The following EHBP1L1 variants were observed in gnomAD, a reference collection of about 807,000 sequenced individuals.
The protein encoded by EHBP1L1 is EH domain-binding protein 1-like protein 1.
In EHBP1L1, 122 loss-of-function variants were observed where a neutral mutation model predicts 151.1. The observed-to-expected ratio is 0.81, with a 90% CI of 0.70 to 0.94. The LOEUF is 0.94. Among genes scored for constraint, EHBP1L1 ranks in the 40% least tolerant of loss-of-function variants. The probability of loss-of-function intolerance (pLI) is 0.00; values close to 1 mark genes in which losing one functional copy is unlikely to be tolerated. For missense variants in EHBP1L1, 1,941 were observed against 1,959.8 expected (o/e 0.99, Z 0.18); for synonymous variants, 878 against 810.1 (o/e 1.08, Z -1.42).
chr11:65,592,274 G>C lies in EHBP1L1; in HGVS notation c.4544G>C (p.Ser1515Thr). The C allele has an allele frequency of 1.3e-6, 2 of 1,530,698 alleles. No homozygotes were observed. The highest frequency in any genetic ancestry group is 1.7e-6 in the Non-Finnish European group (2 of 1,144,896). 94.8% of individuals were successfully genotyped at this position (1,530,698 alleles called of 1,614,324 possible). A position where few individuals can be genotyped will look rare whatever the true frequency, so the allele number is the denominator to read the frequency against. Residue 1515 changes from serine (S) to threonine (T), a missense_variant, in exon 19 of 19, where the codon AGC becomes ACC. Physicochemically the swap from Ser to Thr is moderately conservative, Grantham distance 58 (BLOSUM62 1). Transcript: ENST00000309295. ...QRRRKLSRQL[S>T]RRERCVLS The stretch of plus-strand genomic sequence containing the variant: ...CGCCGCAAGCTGAGCCGGCAGTTGA[G>C]CCGGCGGGAGCGCTGCGTGCTGAGC...
At chr11:65,576,579 T>G (rs1857339125) in intron 1 of EHBP1L1, among the ~76,000 whole-genome samples, 173 bp downstream of exon 1, 1 of 152,188 alleles carries the variant, frequency 6.6e-6, no homozygotes, top group South Asian at 2.1e-4. Flanking sequence ...TTGCAATTTG[T>G]GGGACCCCTG....
In EHBP1L1 at chr11:65,583,489, T is replaced by C. The variant is rs756671697; in HGVS notation, c.2817T>C (p.Ala939=). The part of the protein sequence containing the change: ...TQVLRVQEAE[A]GVWGMSEGKS... ...TTCTGAGAGTCCAGGAGGCAGAGGC[T>C]GGGGTTTGGGGGATGTCAGAGGGCA... The change falls in exon 9 of 19, where the codon GCT becomes GCC. Residue 939 remains alanine (A), a synonymous_variant. Transcript: ENST00000309295. 35 of 1,613,286 alleles carry C rather than the reference T, an allele frequency of 2.2e-5. No individual in the cohort carries two copies. Among genetic ancestry groups the C allele is most frequent in the Non-Finnish European group, 2.9e-5 (34 of 1,179,714 alleles).
In EHBP1L1 at chr11:65,592,337, T is replaced by TC. The variant is rs1343408589; in HGVS notation, c.*39dup. On this transcript the variant is annotated 3_prime_UTR_variant, in exon 19 of 19. Transcript: ENST00000309295. ...CCCGGGTGGCCCATAACTTCTCGCG[T>TC]CCCCGGCGTCCGCCGCCGCCCCGGG... The TC allele has an allele frequency of 1.2e-5, 16 of 1,349,284 alleles. No homozygotes were observed. The highest frequency in any genetic ancestry group is 1.4e-5 in the Non-Finnish European group (15 of 1,055,206). The allele number at this position is 1,349,284 out of a possible 1,614,324, so 83.6% of individuals were successfully genotyped here.
chr11:65,587,167 G>A (rs1858013133), intron 12 of EHBP1L1, among the ~76,000 whole-genome samples: 1 of 152,234 alleles, frequency 6.6e-6, no homozygotes, highest in South Asian at 2.1e-4. Flanking sequence ...GAGGTCAGGA[G>A]ATCAAGACCA....
intron 16 of EHBP1L1, among the ~76,000 whole-genome samples, chr11:65,590,817 T>C (rs981326646): frequency 6.8e-6 from 1 of 146,726 alleles, no homozygotes; most frequent in African/African-American, 2.5e-5. Context: ...AGGCGGATCA[T>C]CTGAGGTCAG....
rs1857672555 is a variant in EHBP1L1 at position 65,582,501 on chromosome 11, AAG to A, written c.1831_1832del (p.Glu611SerfsTer18). ...ATTGAGATATTGGGGGCCTTGGAGA[AAG>A]AAGCAGCAAGATCAAGGGTCCTGGA... On this transcript the variant is annotated frameshift_variant, in exon 9 of 19. Transcript: ENST00000309295. LOFTEE classifies it high-confidence loss of function. 6.2e-7 allele frequency: 1 copy of A among 1,613,254 alleles called. No individual in the cohort carries two copies.
intron 12 of EHBP1L1, among the ~76,000 whole-genome samples, chr11:65,586,907 C>T (rs1196788942): frequency 6.6e-6 from 1 of 152,348 alleles, no homozygotes; most frequent in East Asian, 1.9e-4. Context: ...CTTCCCCCAG[C>T]TCTTGTCTCA....
At position 65,590,179 on chromosome 11, in the gene EHBP1L1, G is replaced by A; in HGVS notation, c.4152G>A (p.Val1384=). Residue 1384 remains valine (V), a synonymous_variant, in exon 15 of 19, where the codon GTG becomes GTA. Transcript: ENST00000309295. ...AGATAGATGGGCGGGCGGCTGAGGT[G>A]GAGATGCAGCTGAGGAGCCTCATGG... ...QRQIDGRAAE[V]EMQLRSLMES... is the part of the protein sequence containing the mutation. 4 of 1,613,676 alleles carry A rather than the reference G, an allele frequency of 2.5e-6. No homozygotes were observed. Among genetic ancestry groups the A allele is most frequent in the Non-Finnish European group, 2.5e-6 (3 of 1,179,794 alleles).
Position 65,582,347 on chromosome 11 carries a change from G to A in EHBP1L1, c.1675G>A (p.Gly559Ser). The A allele has an allele frequency of 6.4e-7, 1 of 1,573,666 alleles. No individual in the cohort carries two copies. Among genetic ancestry groups the A allele is most frequent in the Non-Finnish European group, 8.6e-7 (1 of 1,162,684 alleles). The change falls in exon 9 of 19, where the codon GGC becomes AGC. Residue 559 changes from glycine (G) to serine (S), a missense_variant. Physicochemically the swap from Gly to Ser is moderately conservative, Grantham distance 56 (BLOSUM62 0). Transcript: ENST00000309295. Reference protein sequence around the residue: ...AQGAISRGLGGWEAEAGGSGD... With the variant: ...AQGAISRGLGSWEAEAGGSGD... Reference sequence around the variant, plus strand: ...GGGGGCAATATCCAGGGGTCTGGGAGGCTGGGAGGCAGAAGCTGGGGGTTC... The same window carrying A: ...GGGGGCAATATCCAGGGGTCTGGGAAGCTGGGAGGCAGAAGCTGGGGGTTC...
intron 1 of EHBP1L1, among the ~76,000 whole-genome samples, chr11:65,576,678 G>A (rs755118799): frequency 6.6e-6 from 1 of 152,202 alleles, no homozygotes; most frequent in South Asian, 2.1e-4. Flanking sequence ...CCTCAGCTGC[G>A]GTCAGGGCTG....
chr11:65,583,082 T>C lies in EHBP1L1; in HGVS notation c.2410T>C (p.Ser804Pro), dbSNP rs1407431408. The change falls in exon 9 of 19, where the codon TCA becomes CCA. Residue 804 changes from serine (S) to proline (P), a missense_variant. By Grantham distance (74) the Ser-to-Pro change is moderately conservative. Transcript: ENST00000309295. The part of the protein sequence containing the change: ...TGIQVKEVGG[S>P]EVPEIATGTA... ...GATCCAGGTGAAAGAGGTTGGGGGTTCAGAGGTTCCAGAGATAGCGACTGG... is the reference window on the plus strand; with the variant it reads ...GATCCAGGTGAAAGAGGTTGGGGGTCCAGAGGTTCCAGAGATAGCGACTGG... The C allele has an allele frequency of 1.9e-6, 3 of 1,613,306 alleles. No individual in the cohort carries two copies. The Admixed American group carries it at 5.0e-5, about 27-fold the overall frequency.
Position 65,582,051 on chromosome 11 carries a change from G to A in EHBP1L1, c.1379G>A (p.Arg460Lys), listed in dbSNP as rs763202364. 1 of 1,613,126 alleles carries A rather than the reference G, an allele frequency of 6.2e-7. No individual in the cohort carries two copies. Among genetic ancestry groups the A allele is most frequent in the Non-Finnish European group, 8.5e-7 (1 of 1,179,732 alleles). The change falls in exon 9 of 19, where the codon AGG (arginine) becomes AAG (lysine). Residue 460 changes from arginine to lysine, a missense_variant. Transcript: ENST00000309295. The part of the protein sequence containing the change: ...RCRGTPEAPP[R>K]GSQGRLGVRT... ...AGGGGGACCCCTGAGGCTCCTCCAA[G>A]GGGCTCTCAGGGGAGGCTGGGAGTC... is the stretch of plus-strand genomic sequence containing the variant.
At position 65,582,147 on chromosome 11, in the gene EHBP1L1, T is replaced by G. The variant is rs780517300; in HGVS notation, c.1475T>G (p.Leu492Arg). The change falls in exon 9 of 19, where the codon CTT (leucine) becomes CGT (arginine). Residue 492 changes from leucine to arginine, a missense_variant. Leu to Arg is a moderately radical substitution (Grantham distance 102). Coordinates refer to ENST00000309295, the MANE Select transcript of EHBP1L1 (RefSeq NM_001099409.3). ...GAGCCTGCAGGGCACTCTGGGCAACTTGGTGACCTCGAGGGGGCCAGGGCT... is the reference window on the plus strand; with the variant it reads ...GAGCCTGCAGGGCACTCTGGGCAACGTGGTGACCTCGAGGGGGCCAGGGCT... ...PAEPAGHSGQ[L>R]GDLEGARAAA... 65 of 1,587,868 alleles carry G rather than the reference T, an allele frequency of 4.1e-5. No individual in the cohort carries two copies. Among genetic ancestry groups the G allele is most frequent in the Non-Finnish European group, 5.1e-5 (60 of 1,167,626 alleles).
intron 16 of EHBP1L1, chr11:65,591,568 CT>C (rs1858291410): frequency 1.7e-6 from 1 of 604,674 alleles, no homozygotes; most frequent in Non-Finnish European, 3.0e-6. Context: ...GGGGGTCCTT[CT>C]GGGGGGTGTG....
chr11:65,578,575 G>A (rs1208507138), intron 1 of EHBP1L1, among the ~76,000 whole-genome samples: 3 of 152,162 alleles, frequency 2.0e-5, no homozygotes, highest in Non-Finnish European at 4.4e-5. Flanking sequence ...TGTCCTCACC[G>A]GAAAGGTCTT....
chr11:65,590,757 C>A (rs1234672485), intron 16 of EHBP1L1, among the ~76,000 whole-genome samples, 165 bp downstream of exon 16: 1 of 152,244 alleles, frequency 6.6e-6, no homozygotes, highest in Non-Finnish European at 1.5e-5. Flanking sequence ...TAAAACTGGC[C>A]AGGCACGGTG....
rs762549962 is a variant in EHBP1L1 at position 65,582,717 on chromosome 11, C to A, written c.2045C>A (p.Ser682Tyr). 1.9e-6 allele frequency: 3 copies of A among 1,613,486 alleles called. No individual in the cohort carries two copies. The highest frequency in any genetic ancestry group is 1.1e-5 in the South Asian group (1 of 91,082). The change falls in exon 9 of 19, where the codon TCT becomes TAT. Residue 682 changes from serine to tyrosine, a missense_variant. Ser to Tyr is a moderately radical substitution (Grantham distance 144, BLOSUM62 -2). Transcript: ENST00000309295. Reference sequence around the variant, plus strand: ...GAGGTACTGGTGACCCAGGAGATATCTGGGGATTTAGGGCCACTGAAGATA... The same window carrying A: ...GAGGTACTGGTGACCCAGGAGATATATGGGGATTTAGGGCCACTGAAGATA... ...ETEVLVTQEI[S>Y]GDLGPLKIED...
chr11:65,585,708 G>A lies in EHBP1L1; in HGVS notation c.3933+117G>A, dbSNP rs1857935967. On this transcript the variant is annotated intron_variant, in intron 12 of 18. Transcript: ENST00000309295. This position sits in a 1 kb window ranked among gnomAD's most constrained non-coding sequence, Gnocchi z 4.0. The stretch of plus-strand genomic sequence containing the variant: ...GGACAGAGCTGGCGCGAGGGTGACG[G>A]TTTCAGAGTGGCGGGGCTCGGCTGG... 6.9e-7 allele frequency: 1 copy of A among 1,456,354 alleles called. No homozygotes were observed. 90.2% of individuals were successfully genotyped at this position (1,456,354 alleles called of 1,614,324 possible).
intron 16 of EHBP1L1, among the ~76,000 whole-genome samples, chr11:65,590,887 C>G (rs1858239994): frequency 1.3e-5 from 2 of 151,796 alleles, no homozygotes; most frequent in South Asian, 4.2e-4. Flanking sequence ...AAAAATTAGC[C>G]AAGTATGGTG....
Sources: gnomAD v4.1 joint callset for allele counts (sites outside exome capture counted in the v4.1 genomes callset) on GRCh38, gnomAD v4.1.1 for gene constraint, Gnocchi (gnomAD v3.1) non-coding constraint, MANE v1.5 for transcripts, NCBI Gene and HGNC (gene_info 2026-07-23, HGNC 2026-07-21) for gene names.